Variants in CNTNAP2 observed in about 807,000 individuals in gnomAD.
CNTNAP2 encodes contactin associated protein 2.
Under a neutral mutation model 155.2 loss-of-function variants are expected in CNTNAP2, and 98 were observed. The ratio of observed to expected loss-of-function variants is 0.63; its 90% CI spans 0.54 to 0.75. The LOEUF is 0.75. Among genes scored for constraint, CNTNAP2 ranks in the 30% least tolerant of loss-of-function variants. The pLI, the probability that CNTNAP2 is intolerant of heterozygous loss-of-function variation, is 0.00. For synonymous variants in CNTNAP2, 651 were observed against 631.2 expected, an observed-to-expected ratio of 1.03 and a Z score of -0.47; for missense variants, 1,727 against 1,688.1, an observed-to-expected ratio of 1.02 and a Z score of -0.40.
chr7:148,107,808 C>T (rs1804256234), intron 15 of CNTNAP2, among the ~76,000 whole-genome samples: 1 of 152,186 alleles, frequency 6.6e-6, no homozygotes, highest in African/African-American at 2.4e-5. Flanking sequence ...AGTAATTAGT[C>T]TCTTCAGAGC....
chr7:147,500,648 T>C (rs537590477), intron 11 of CNTNAP2, among the ~76,000 whole-genome samples: 14 of 152,156 alleles, frequency 9.2e-5, no homozygotes, highest in Non-Finnish European at 2.1e-4. Context: ...CCCAAATATA[T>C]ACACATACCT....
chr7:148,327,174 C>T (rs1797907940), intron 21 of CNTNAP2, among the ~76,000 whole-genome samples: 1 of 152,176 alleles, frequency 6.6e-6, no homozygotes, highest in Non-Finnish European at 1.5e-5. Flanking sequence ...TCACTGCTCC[C>T]AGGGGCTGCT....
intron 4 of CNTNAP2, among the ~76,000 whole-genome samples, chr7:147,103,709 T>C (rs1049206220): frequency 6.6e-6 from 1 of 151,914 alleles, no homozygotes; most frequent in Non-Finnish European, 1.5e-5. Context: ...TCTAAAAATC[T>C]ATATAATTTT....
chr7:147,761,056 T>C (rs1797292018), intron 13 of CNTNAP2, among the ~76,000 whole-genome samples: 1 of 152,154 alleles, frequency 6.6e-6, no homozygotes, highest in Non-Finnish European at 1.5e-5. Context: ...TAGATTAATT[T>C]TCATGAGATT....
chr7:146,651,942 A>G (rs1799921877), intron 1 of CNTNAP2, among the ~76,000 whole-genome samples: 1 of 152,140 alleles, frequency 6.6e-6, no homozygotes, highest in Non-Finnish European at 1.5e-5. Context: ...TTATATTATG[A>G]TAGGCTGGCT....
intron 21 of CNTNAP2, among the ~76,000 whole-genome samples, chr7:148,306,404 G>T (rs114045666): frequency 0.02 from 3,046 of 152,138 alleles, 31 homozygotes; most frequent in Middle Eastern, 0.048. Context: ...TTCATTTCCT[G>T]TTCTCTCTTC....
At chr7:146,241,134 C>G (rs1303261421) in intron 1 of CNTNAP2, among the ~76,000 whole-genome samples, 1 of 152,146 alleles carries the variant, frequency 6.6e-6, no homozygotes, top group Non-Finnish European at 1.5e-5. Flanking sequence ...ACATGATCCA[C>G]TCAGCTCCCA....
chr7:147,410,444 G>A (rs781377327), intron 10 of CNTNAP2, among the ~76,000 whole-genome samples: 1 of 152,084 alleles, frequency 6.6e-6, no homozygotes, highest in African/African-American at 2.4e-5. Flanking sequence ...TGGGTACTAG[G>A]CTCATTACCT....
intron 1 of CNTNAP2, among the ~76,000 whole-genome samples, chr7:146,298,992 C>T (rs759508125): frequency 2.6e-5 from 4 of 152,086 alleles, no homozygotes; most frequent in East Asian, 1.9e-4. Flanking sequence ...AGAAATAATA[C>T]GGCCAGGTGT....
intron 9 of CNTNAP2, among the ~76,000 whole-genome samples, chr7:147,378,605 A>C (rs1346479150): frequency 6.6e-6 from 1 of 152,054 alleles, no homozygotes; most frequent in Non-Finnish European, 1.5e-5. Flanking sequence ...AAAGGCTGGG[A>C]AGGATAGTGG....
At chr7:147,272,043 C>G (rs1428224789) in intron 8 of CNTNAP2, among the ~76,000 whole-genome samples, 1 of 152,096 alleles carries the variant, frequency 6.6e-6, no homozygotes, top group Non-Finnish European at 1.5e-5. Flanking sequence ...CTGGTGCCCA[C>G]CACCAAACCC....
At chr7:146,281,146 T>C (rs1800245451) in intron 1 of CNTNAP2, among the ~76,000 whole-genome samples, 1 of 152,162 alleles carries the variant, frequency 6.6e-6, no homozygotes, top group Non-Finnish European at 1.5e-5. Context: ...AACCAAAATA[T>C]ATGCATTTTT....
Position 147,884,337 on chromosome 7 carries a change from G to A in CNTNAP2, c.2099-19228G>A, listed in dbSNP as rs1052600937. 2.6e-5 allele frequency among the ~76,000 whole-genome samples: 4 copies of A among 152,266 alleles called. No homozygotes were observed. In the East Asian group the frequency reaches 5.8e-4, roughly 22 times the overall value. The stretch of plus-strand genomic sequence containing the variant: ...AAAGATTAAGAGTTGAAATCAGAGA[G>A]GCAGGTGGTTTTGATGTTTTGAGAT... On this transcript the variant is annotated intron_variant, in intron 13 of 23. Coordinates refer to ENST00000361727, the MANE Select transcript of CNTNAP2 (RefSeq NM_014141.6).
intron 12 of CNTNAP2, among the ~76,000 whole-genome samples, chr7:147,611,872 G>A (rs1242369020): frequency 3.3e-5 from 5 of 152,062 alleles, no homozygotes; most frequent in South Asian, 2.1e-4. Context: ...TCAGAGTCTA[G>A]GCTTACAAAA....
intron 1 of CNTNAP2, among the ~76,000 whole-genome samples, chr7:146,748,136 T>TTCTTC (rs1801840172): frequency 7.8e-6 from 1 of 128,000 alleles, no homozygotes; most frequent in East Asian, 2.6e-4. Flanking sequence ...TTCTTTTCTT[T>TTCTTC]TCTTTTCTTT....
At chr7:147,876,967 T>C (rs1799430923) in intron 13 of CNTNAP2, among the ~76,000 whole-genome samples, 1 of 151,962 alleles carries the variant, frequency 6.6e-6, no homozygotes, top group Non-Finnish European at 1.5e-5. Context: ...TGAAGATTTG[T>C]TGTGGATTGG....
At chr7:147,138,113 C>T (rs939384589) in intron 8 of CNTNAP2, among the ~76,000 whole-genome samples, 7 of 151,674 alleles carry the variant, frequency 4.6e-5, no homozygotes, top group Admixed American at 1.3e-4. Context: ...TTTTGATGGG[C>T]TTGTAGATAT....
intron 1 of CNTNAP2, among the ~76,000 whole-genome samples, chr7:146,222,012 G>A (rs536120537): frequency 5.3e-5 from 8 of 152,184 alleles, no homozygotes; most frequent in Non-Finnish European, 1.0e-4. Context: ...GGACAAAAGA[G>A]AAAAGGAAGG....
chr7:147,229,474 A>G (rs1347931763), intron 8 of CNTNAP2, among the ~76,000 whole-genome samples: 1 of 152,234 alleles, frequency 6.6e-6, no homozygotes, highest in East Asian at 1.9e-4. Flanking sequence ...GTTTACACAA[A>G]TCAAAACAGA....
Sources: allele counts gnomAD v4.1 joint callset (sites outside exome capture counted in the v4.1 genomes callset), GRCh38; gene constraint gnomAD v4.1.1; transcripts MANE v1.5; gene names NCBI Gene and HGNC (gene_info 2026-07-23, HGNC 2026-07-21).